SEC14L1: variants seen among roughly 807,000 people sequenced by gnomAD.
SEC14L1 encodes the protein SEC14-like protein 1.
A neutral mutation model predicts 85.3 loss-of-function variants in SEC14L1; 48 were observed. The ratio of observed to expected loss-of-function variants is 0.56; its 90% CI spans 0.45 to 0.72. The LOEUF is 0.72. Ranked by LOEUF, SEC14L1 falls within the 30% of genes least tolerant of loss-of-function variation. SEC14L1 has a pLI of 0.00. For missense variants in SEC14L1, 682 were observed against 921.4 expected (o/e 0.74, Z 3.36); for synonymous variants, 391 against 355.5 (o/e 1.10, Z -1.12).
intron 3 of SEC14L1, among the ~76,000 whole-genome samples, chr17:77,148,734 G>C (rs1016250436): frequency 1.3e-5 from 2 of 152,180 alleles, no homozygotes; most frequent in African/African-American, 4.8e-5. Flanking sequence ...GTTCCTTTGC[G>C]CACTCACATC....
rs77792614 is a variant in SEC14L1, at chr17:77,213,863, G to A, written c.2043-55G>A. 0.016 allele frequency: 25,502 copies of A among 1,600,552 alleles called. 316 individuals are homozygous for A. The highest frequency in any genetic ancestry group is 0.049 in the South Asian group (4,454 of 90,444). On this transcript the variant is annotated intron_variant, in intron 16 of 16. Coordinates refer to ENST00000436233, the MANE Select transcript of SEC14L1 (RefSeq NM_001143998.2). This position sits in a 1 kb window ranked among gnomAD's most constrained non-coding sequence, Gnocchi z 7.1. ...CGAAGTCCAGCAGGCAGTGTGGGCC[G>A]GCGGGTGGTTGGCAGGGTGGTCCTC...
Position 77,212,232 on chromosome 17 carries a change from C to T in SEC14L1, c.1863+31C>T, listed in dbSNP as rs200966083. 7.5e-4 allele frequency: 1,199 copies of T among 1,608,102 alleles called. 4 individuals carry two copies. Among genetic ancestry groups the T allele is most frequent in the Non-Finnish European group, 9.0e-4 (1,063 of 1,176,410 alleles). The stretch of plus-strand genomic sequence containing the variant: ...ATCACACACAGGTCAAATCGCGCAT[C>T]CGTGACTCCACACGGCCAGGTGATT... On this transcript the variant is annotated intron_variant, in intron 15 of 16. Coordinates refer to ENST00000436233, the MANE Select transcript of SEC14L1 (RefSeq NM_001143998.2).
chr17:77,113,261 A>G (rs988536575), intron 3 of SEC14L1, among the ~76,000 whole-genome samples: 2 of 152,240 alleles, frequency 1.3e-5, no homozygotes, highest in African/African-American at 4.8e-5. Context: ...TGGTATTGCC[A>G]GTAATATTTT....
chr17:77,208,396 C>T (rs565106910), intron 13 of SEC14L1, among the ~76,000 whole-genome samples: 1 of 152,256 alleles, frequency 6.6e-6, no homozygotes, highest in Non-Finnish European at 1.5e-5. Context: ...AATTATGACA[C>T]GAAGAATTGA....
chr17:77,155,386 C>T (rs1973761804), intron 3 of SEC14L1, among the ~76,000 whole-genome samples: 4 of 152,298 alleles, frequency 2.6e-5, no homozygotes, highest in Admixed American at 1.3e-4. Flanking sequence ...GAAGCTCTCC[C>T]TTTCCCCTGA....
At chr17:77,156,202 GTCTCTCTGCC>G (rs908119994) in intron 3 of SEC14L1, among the ~76,000 whole-genome samples, 12 of 152,026 alleles carry the variant, frequency 7.9e-5, no homozygotes, top group Non-Finnish European at 1.3e-4. Context: ...CACTCCACTG[GTCTCTCTGCC>G]TCTCTCTGTC....
upstream of SEC14L1, among the ~76,000 whole-genome samples, chr17:77,140,507 G>T (rs1846179655): frequency 6.6e-6 from 1 of 152,266 alleles, no homozygotes; most frequent in Non-Finnish European, 1.5e-5. Flanking sequence ...CCGCCAGGGC[G>T]ACCAGAGGCA....
At chr17:77,210,299 A>G (rs1230076292) in intron 14 of SEC14L1, 2 of 152,276 alleles carry the variant, frequency 1.3e-5, no homozygotes, top group Non-Finnish European at 2.9e-5. Context: ...GTTCCTGTGC[A>G]TGCCATATGT....
At chr17:77,182,503 T>C (rs548833552) in intron 3 of SEC14L1, among the ~76,000 whole-genome samples, 3 of 152,342 alleles carry the variant, frequency 2.0e-5, no homozygotes, top group East Asian at 1.9e-4. Flanking sequence ...ACAATTGCTG[T>C]GTAAAAATGA....
chr17:77,183,250 G>A (rs1305614118), intron 3 of SEC14L1, among the ~76,000 whole-genome samples: 2 of 152,162 alleles, frequency 1.3e-5, no homozygotes, highest in African/African-American at 4.8e-5. Flanking sequence ...TTTATTATGA[G>A]TAATGCTCAT....
rs2066623299 is a variant in SEC14L1, at chr17:77,214,919, T to A, written c.*896T>A. 1.0e-6 allele frequency: 1 copy of A among 985,294 alleles called. No individual in the cohort carries two copies. The highest frequency in any genetic ancestry group is 1.7e-5 in the African/African-American group (1 of 57,216). The allele number at this position is 985,294 out of a possible 1,614,324, so 61.0% of individuals were successfully genotyped here. On this transcript the variant is annotated 3_prime_UTR_variant, in exon 17 of 17. Coordinates refer to ENST00000436233, the MANE Select transcript of SEC14L1 (RefSeq NM_001143998.2). ...AGTTCCAGCCACTAGGAGGCCGTCT[T>A]GGAACCAGCAAGTCGCATTTGCCAC...
chr17:77,099,344 G>A (rs929226161), intron 3 of SEC14L1: 1 of 152,170 alleles, frequency 6.6e-6, no homozygotes, highest in African/African-American at 2.4e-5. Flanking sequence ...CCATTGAGTA[G>A]ATTTCTGAAA....
At chr17:77,110,031 T>C (rs1396722421) in intron 3 of SEC14L1, among the ~76,000 whole-genome samples, 1 of 152,244 alleles carries the variant, frequency 6.6e-6, no homozygotes, top group Non-Finnish European at 1.5e-5. Context: ...TAGTTGGAAC[T>C]GACTTCAGGC....
At chr17:77,198,164 G>A (rs560898023) in intron 8 of SEC14L1, among the ~76,000 whole-genome samples, 1 of 152,318 alleles carries the variant, frequency 6.6e-6, no homozygotes, top group East Asian at 1.9e-4. Flanking sequence ...GATTGGCATA[G>A]TTAAGGCCAA....
intron 3 of SEC14L1, among the ~76,000 whole-genome samples, chr17:77,157,558 C>T (rs1297219757): frequency 4.0e-5 from 6 of 150,612 alleles, no homozygotes; most frequent in Admixed American, 6.6e-5. Context: ...GATGGGGCCT[C>T]GCTGCGTTGC....
Position 77,216,852 on chromosome 17 carries a change from G to A in SEC14L1, c.*2829G>A, listed in dbSNP as rs898846581. The A allele has an allele frequency of 1.1e-5, 5 of 435,506 alleles. No homozygotes were observed. Among genetic ancestry groups the A allele is most frequent in the African/African-American group, 6.0e-5 (3 of 50,186 alleles). 27.0% of individuals were successfully genotyped at this position (435,506 alleles called of 1,614,324 possible). ...ATGGTTTGAGTATGCAGTTTGCATC[G>A]TGTTTCTACCTTTAGTACCTTGCCA... On this transcript the variant is annotated 3_prime_UTR_variant, in exon 17 of 17. Transcript: ENST00000436233.
intron 3 of SEC14L1, among the ~76,000 whole-genome samples, chr17:77,186,142 C>T (rs1442685757): frequency 6.6e-6 from 1 of 152,168 alleles, no homozygotes; most frequent in Non-Finnish European, 1.5e-5. Context: ...CCTGTTCGTG[C>T]TCCCTCCATC....
At chr17:77,193,589 G>A in intron 6 of SEC14L1, 40 bp downstream of exon 6, 1 of 1,578,078 alleles carries the variant, frequency 6.3e-7, no homozygotes, top group Non-Finnish European at 8.7e-7. Flanking sequence ...GGGTGGGCAG[G>A]AGTCTCTGAG....
intron 5 of SEC14L1, among the ~76,000 whole-genome samples, chr17:77,192,763 T>A (rs1366032025): frequency 6.6e-6 from 1 of 152,002 alleles, no homozygotes; most frequent in Non-Finnish European, 1.5e-5. Context: ...CAGGCTCAAG[T>A]GATCCTCCTG....
Sources: allele counts gnomAD v4.1 joint callset (sites outside exome capture counted in the v4.1 genomes callset), GRCh38; gene constraint gnomAD v4.1.1; non-coding constraint Gnocchi (gnomAD v3.1); transcripts MANE v1.5; gene names NCBI Gene and HGNC (gene_info 2026-07-23, HGNC 2026-07-21).